HTR1F: variants seen among roughly 807,000 people sequenced by gnomAD.
The protein encoded by HTR1F is 5-hydroxytryptamine receptor 1F.
Under a neutral mutation model 24.0 loss-of-function variants are expected in HTR1F, and 17 were observed. The observed-to-expected ratio is 0.71, with a 90% CI of 0.48 to 1.06. The LOEUF (loss-of-function observed/expected upper bound fraction) is 1.06, where lower values mean the gene tolerates loss of function less well. Ranked by LOEUF, HTR1F falls within the 50% of genes least tolerant of loss-of-function variation. HTR1F has a pLI of 0.00. For synonymous variants in HTR1F, 186 were observed against 156.8 expected, an observed-to-expected ratio of 1.19 and a Z score of -1.39; for missense variants, 391 against 427.8, an observed-to-expected ratio of 0.91 and a Z score of 0.76.
At chr3:87,849,261 T>C (rs1705022691) in intron 2 of HTR1F, among the ~76,000 whole-genome samples, 1 of 151,738 alleles carries the variant, frequency 6.6e-6, no homozygotes, top group Non-Finnish European at 1.5e-5. Flanking sequence ...AAAACAGAGA[T>C]ATAGATCAAT....
At chr3:87,974,302 T>G (rs1261787623) in intron 2 of HTR1F, among the ~76,000 whole-genome samples, 1 of 152,302 alleles carries the variant, frequency 6.6e-6, no homozygotes, top group Admixed American at 6.5e-5. Flanking sequence ...TATTTTAAAA[T>G]CCGCCAAGAT....
intron 1 of HTR1F, among the ~76,000 whole-genome samples, chr3:87,801,651 G>C (rs568403179): frequency 6.6e-6 from 1 of 152,292 alleles, no homozygotes; most frequent in South Asian, 2.1e-4. Context: ...GCATTCCTTT[G>C]AGTTTCTGAT....
At chr3:87,968,699 G>T (rs13075569) in intron 2 of HTR1F, among the ~76,000 whole-genome samples, 2 of 151,684 alleles carry the variant, frequency 1.3e-5, no homozygotes, top group Non-Finnish European at 2.9e-5. Flanking sequence ...CATTTTCTTA[G>T]GAGAAATTTA....
chr3:87,834,480 T>C, intron 2 of HTR1F, among the ~76,000 whole-genome samples: 1 of 152,296 alleles, frequency 6.6e-6, no homozygotes, highest in South Asian at 2.1e-4. Context: ...TGTTTTCACT[T>C]GTTTGTTTAG....
At chr3:87,879,596 A>C (rs534131403) in intron 2 of HTR1F, among the ~76,000 whole-genome samples, 122 of 152,300 alleles carry the variant, frequency 8.0e-4, no homozygotes, top group African/African-American at 2.6e-3. Flanking sequence ...ACATTCTAGG[A>C]TATGTAGAAT....
intron 2 of HTR1F, among the ~76,000 whole-genome samples, chr3:87,877,049 G>T (rs981563163): frequency 8.6e-5 from 13 of 152,006 alleles, no homozygotes; most frequent in Admixed American, 8.5e-4. Flanking sequence ...AAGTTATTTA[G>T]AATGCATCAT....
At chr3:87,874,007 A>G (rs1186675370) in intron 2 of HTR1F, among the ~76,000 whole-genome samples, 1 of 152,184 alleles carries the variant, frequency 6.6e-6, no homozygotes, top group Non-Finnish European at 1.5e-5. Flanking sequence ...TGAGAAGCCC[A>G]CAGCTAACAT....
intron 2 of HTR1F, among the ~76,000 whole-genome samples, chr3:87,884,789 A>G (rs1209211709): frequency 6.6e-6 from 1 of 152,192 alleles, no homozygotes; most frequent in Non-Finnish European, 1.5e-5. Flanking sequence ...ATTCAACAAG[A>G]AGAGCTAACT....
At chr3:87,909,576 G>A (rs1446935097) in intron 2 of HTR1F, among the ~76,000 whole-genome samples, 4 of 151,858 alleles carry the variant, frequency 2.6e-5, no homozygotes, top group South Asian at 2.1e-4. Context: ...AAGGGGCTTC[G>A]AGATACAAAA....
At chr3:87,934,431 T>C (rs1472466431) in intron 2 of HTR1F, among the ~76,000 whole-genome samples, 1 of 152,186 alleles carries the variant, frequency 6.6e-6, no homozygotes, top group Admixed American at 6.5e-5. Context: ...GCTTTGTCTC[T>C]GTAAAAAGAA....
At chr3:87,980,291 C>T (rs1604699) in intron 2 of HTR1F, among the ~76,000 whole-genome samples, 90,460 of 151,926 alleles carry the variant, frequency 0.6, 27,185 homozygotes, top group South Asian at 0.73. Context: ...CTCAGCAGAG[C>T]GGAGACCTGG....
intron 2 of HTR1F, among the ~76,000 whole-genome samples, chr3:87,969,116 C>A (rs1435839943): frequency 6.6e-6 from 1 of 152,246 alleles, no homozygotes; most frequent in African/African-American, 2.4e-5. Flanking sequence ...CAGAAGTTTG[C>A]TGCAGGAATG....
At chr3:87,905,561 C>G (rs952758983) in intron 2 of HTR1F, among the ~76,000 whole-genome samples, 1 of 151,936 alleles carries the variant, frequency 6.6e-6, no homozygotes, top group Non-Finnish European at 1.5e-5. Flanking sequence ...AATTGCAGAA[C>G]GTTGGGATGC....
chr3:87,925,727 G>C (rs1267595746), intron 2 of HTR1F, among the ~76,000 whole-genome samples: 1 of 152,122 alleles, frequency 6.6e-6, no homozygotes, highest in African/African-American at 2.4e-5. Context: ...CTCAGGGCCT[G>C]CATGGAGTGT....
intron 2 of HTR1F, among the ~76,000 whole-genome samples, chr3:87,951,317 G>T (rs939552110): frequency 6.6e-6 from 1 of 152,126 alleles, no homozygotes; most frequent in African/African-American, 2.4e-5. Context: ...GCTAGACACT[G>T]TACAGTTTAG....
At chr3:87,880,026 C>A (rs1215414438) in intron 2 of HTR1F, among the ~76,000 whole-genome samples, 1 of 152,000 alleles carries the variant, frequency 6.6e-6, no homozygotes, top group East Asian at 1.9e-4. Flanking sequence ...AGAGTTAAGG[C>A]TCAATAAAAT....
At chr3:87,971,240 T>C (rs1705279192) in intron 2 of HTR1F, among the ~76,000 whole-genome samples, 1 of 152,162 alleles carries the variant, frequency 6.6e-6, no homozygotes, top group Non-Finnish European at 1.5e-5. Context: ...TTCAATAAAT[T>C]TGATTGGTTC....
chr3:87,901,168 T>C (rs1706312591), intron 2 of HTR1F, among the ~76,000 whole-genome samples: 1 of 152,208 alleles, frequency 6.6e-6, no homozygotes, highest in Non-Finnish European at 1.5e-5. Flanking sequence ...ATTCTGTTGC[T>C]GTAGTTTGTT....
intron 2 of HTR1F, among the ~76,000 whole-genome samples, chr3:87,914,477 C>T (rs746659132): frequency 6.6e-5 from 10 of 152,036 alleles, no homozygotes; most frequent in Non-Finnish European, 1.3e-4. Context: ...CACACACGGC[C>T]CAGAAACACA....
Sources: allele counts gnomAD v4.1 joint callset (sites outside exome capture counted in the v4.1 genomes callset), GRCh38; gene constraint gnomAD v4.1.1; transcripts MANE v1.5; gene names NCBI Gene and HGNC (gene_info 2026-07-23, HGNC 2026-07-21).